The following ABCA13 variants were observed in gnomAD, a reference collection of about 807,000 sequenced individuals.
The protein encoded by ABCA13 is ATP binding cassette subfamily A member 13.
Under a neutral mutation model 478.7 loss-of-function variants are expected in ABCA13, and 476 were observed. The observed-to-expected ratio is 0.99, with a 90% CI of 0.92 to 1.07. The LOEUF (loss-of-function observed/expected upper bound fraction) is 1.07, where lower values mean the gene tolerates loss of function less well. ABCA13 is among the 50% of genes least tolerant of loss of function. The probability of loss-of-function intolerance (pLI) is 0.00; values close to 1 mark genes in which losing one functional copy is unlikely to be tolerated. For synonymous variants in ABCA13, 2,252 were observed against 2,158.9 expected (o/e 1.04, Z -1.20); for missense variants, 6,060 against 5,910.6 (o/e 1.03, Z -0.83).
chr7:48,382,678 T>G (rs1814576827), intron 35 of ABCA13, among the ~76,000 whole-genome samples: 2 of 152,190 alleles, frequency 1.3e-5, no homozygotes, highest in African/African-American at 4.8e-5. Flanking sequence ...TCTCATTCCT[T>G]TTTCTTGGGT....
intron 38 of ABCA13, among the ~76,000 whole-genome samples, chr7:48,396,619 G>A (rs78162744): frequency 0.032 from 4,923 of 152,328 alleles, 173 homozygotes; most frequent in East Asian, 0.17. Flanking sequence ...AGAGAGGGCA[G>A]ATTCTCTAGC....
chr7:48,537,611 T>G (rs1409436818), intron 55 of ABCA13, among the ~76,000 whole-genome samples: 1 of 152,108 alleles, frequency 6.6e-6, no homozygotes, highest in African/African-American at 2.4e-5. Context: ...TACTGGCTAT[T>G]TTAAAGAGAG....
chr7:48,175,857 G>A (rs1220386686), intron 1 of ABCA13, among the ~76,000 whole-genome samples: 1 of 151,694 alleles, frequency 6.6e-6, no homozygotes, highest in Non-Finnish European at 1.5e-5. Context: ...ACCTTCACCA[G>A]CTACTTCTTA....
chr7:48,331,245 G>A (rs1340762933), intron 27 of ABCA13, among the ~76,000 whole-genome samples: 1 of 152,190 alleles, frequency 6.6e-6, no homozygotes, highest in East Asian at 1.9e-4. Flanking sequence ...AAAATTAAAA[G>A]TTAGTAGGTG....
At chr7:48,562,535 T>C (rs545648042) in intron 55 of ABCA13, among the ~76,000 whole-genome samples, 4 of 148,600 alleles carry the variant, frequency 2.7e-5, no homozygotes, top group East Asian at 2.0e-4. Flanking sequence ...CAAACATAGA[T>C]TGGGTACCAT....
chr7:48,480,528 C>T (rs985907848), intron 45 of ABCA13, among the ~76,000 whole-genome samples: 3 of 152,178 alleles, frequency 2.0e-5, no homozygotes, highest in African/African-American at 4.8e-5. Context: ...CTGGGTTTTG[C>T]GTTGTGTTGA....
intron 42 of ABCA13, among the ~76,000 whole-genome samples, chr7:48,433,874 A>G (rs148189396): frequency 6.6e-6 from 1 of 152,120 alleles, no homozygotes; most frequent in East Asian, 1.9e-4. Context: ...AGGCTGAATA[A>G]TATTCCATTA....
At chr7:48,518,712 T>A (rs1162107081) in intron 52 of ABCA13, among the ~76,000 whole-genome samples, 1 of 152,140 alleles carries the variant, frequency 6.6e-6, no homozygotes, top group Non-Finnish European at 1.5e-5. Context: ...AAATTTTCAT[T>A]TGTAGGTTAT....
chr7:48,352,815 C>T (rs1278120000), intron 31 of ABCA13, among the ~76,000 whole-genome samples: 1 of 151,952 alleles, frequency 6.6e-6, no homozygotes, highest in East Asian at 1.9e-4. Context: ...ACTTACCTAA[C>T]CTTGGGAAAA....
chr7:48,243,692 C>G (rs1327338835), intron 10 of ABCA13, among the ~76,000 whole-genome samples: 1 of 152,208 alleles, frequency 6.6e-6, no homozygotes, highest in African/African-American at 2.4e-5. Flanking sequence ...TGTTCAACCC[C>G]AAACTATCAA....
chr7:48,506,346 C>T lies in ABCA13; in HGVS notation c.13302C>T (p.Leu4434=), dbSNP rs1244317400. ...TVDWRQYGIT[L]YSHPYGGALL... ...ATTTGTCTTTCACAGGAATAACACTCTACAGCCACCCATATGGAGGGGCCT... is the reference window on the plus strand; with the variant it reads ...ATTTGTCTTTCACAGGAATAACACTTTACAGCCACCCATATGGAGGGGCCT... Residue 4434 remains leucine (L), a synonymous_variant, in exon 49 of 62, where the codon CTC becomes CTT. Coordinates refer to ENST00000435803, the MANE Select transcript of ABCA13 (RefSeq NM_152701.5). 1.2e-6 allele frequency: 2 copies of T among 1,613,862 alleles called. No individual in the cohort carries two copies. Among genetic ancestry groups the T allele is most frequent in the Admixed American group, 1.7e-5 (1 of 60,024 alleles).
Position 48,276,117 on chromosome 7 carries a change from A to G in ABCA13, c.6451A>G (p.Asn2151Asp), listed in dbSNP as rs749966963. ...MIETLFIPVT[N>D]ESSTEDIALL... ...AGAAACATTATTCATTCCTGTGACC[A>G]ATGAGAGTTCAACTGAAGATATAGC... is the stretch of plus-strand genomic sequence containing the variant. Residue 2151 changes from asparagine (N) to aspartate (D), a missense_variant, in exon 17 of 62, where the codon AAT (asparagine) becomes GAT (aspartate). This residue lies in a region of ABCA13 where 4,423 missense variants were observed against 4,309.1 expected (regional missense o/e 1.03). Transcript: ENST00000435803. 1.3e-6 allele frequency: 2 copies of G among 1,598,162 alleles called. No homozygotes were observed. Among genetic ancestry groups the G allele is most frequent in the African/African-American group, 2.7e-5 (2 of 74,288 alleles).
At chr7:48,645,307 G>T in intron 61 of ABCA13, 110 bp from the exon 62 acceptor site, 1 of 733,020 alleles carries the variant, frequency 1.4e-6, no homozygotes, top group Non-Finnish European at 2.3e-6. Flanking sequence ...AATGATCTGT[G>T]GTTTTTAGGG....
chr7:48,271,944 C>T lies in ABCA13; in HGVS notation c.2278C>T (p.Leu760Phe). 6.2e-7 allele frequency: 1 copy of T among 1,613,614 alleles called. No homozygotes were observed. The highest frequency in any genetic ancestry group is 8.5e-7 in the Non-Finnish European group (1 of 1,179,712). ...CTCCATTGTTCCCAGTTTCCACAGC[C>T]TCCCATCTCTCACAGAGGATATTCT... is the stretch of plus-strand genomic sequence containing the variant. ...DSSIVPSFHS[L>F]PSLTEDILNI... Residue 760 changes from leucine to phenylalanine, a missense_variant, in exon 17 of 62, where the codon CTC (leucine) becomes TTC (phenylalanine). This residue lies in a region of ABCA13 where 4,423 missense variants were observed against 4,309.1 expected (regional missense o/e 1.03). Coordinates refer to ENST00000435803, the MANE Select transcript of ABCA13 (RefSeq NM_152701.5).
At chr7:48,594,977 G>A (rs1010359491) in intron 58 of ABCA13, among the ~76,000 whole-genome samples, 164 bp downstream of exon 58, 4 of 152,210 alleles carry the variant, frequency 2.6e-5, no homozygotes, top group African/African-American at 4.8e-5. Context: ...AATTGAGACT[G>A]AAGCCATGAG....
At chr7:48,401,280 A>T (rs1221040230) in intron 38 of ABCA13, among the ~76,000 whole-genome samples, 1 of 152,252 alleles carries the variant, frequency 6.6e-6, no homozygotes, top group Non-Finnish European at 1.5e-5. Context: ...CTTGGAGCTA[A>T]CATTTAAAAA....
At chr7:48,633,967 G>GATAA (rs1363721367) in intron 59 of ABCA13, among the ~76,000 whole-genome samples, 1 of 148,362 alleles carries the variant, frequency 6.7e-6, no homozygotes, top group Non-Finnish European at 1.5e-5. Context: ...TAGATAGATA[G>GATAA]ATAGATAGAT....
rs189401882 is a variant in ABCA13, at chr7:48,412,602, C to T, written c.12459+19C>T. 312 of 1,572,100 alleles carry T rather than the reference C, an allele frequency of 2.0e-4. No individual in the cohort carries two copies. Among genetic ancestry groups the T allele is most frequent in the Non-Finnish European group, 2.5e-4 (293 of 1,158,586 alleles). On this transcript the variant is annotated intron_variant, in intron 41 of 61. Coordinates refer to ENST00000435803, the MANE Select transcript of ABCA13 (RefSeq NM_152701.5). ...AGAAGAGGTACTGAGAAAACTGAAG[C>T]GTGCTTTAATTATTTATGCCTTTTT...
chr7:48,274,755 A>C lies in ABCA13; in HGVS notation c.5089A>C (p.Ser1697Arg). 1 of 1,614,000 alleles carries C rather than the reference A, an allele frequency of 6.2e-7. No individual in the cohort carries two copies. The highest frequency in any genetic ancestry group is 8.5e-7 in the Non-Finnish European group (1 of 1,179,840). Residue 1697 changes from serine to arginine, a missense_variant, in exon 17 of 62, where the codon AGT (serine) becomes CGT (arginine). This residue lies in a region of ABCA13 where 4,423 missense variants were observed against 4,309.1 expected (regional missense o/e 1.03). Coordinates refer to ENST00000435803, the MANE Select transcript of ABCA13 (RefSeq NM_152701.5). The part of the protein sequence containing the change: ...VNLMDFFKNI[S>R]SVGTGNLVVN... ...CCTAATGGATTTCTTTAAGAATATC[A>C]GTAGTGTGGGAACTGGCAATTTAGT...
Sources: allele counts gnomAD v4.1 joint callset (sites outside exome capture counted in the v4.1 genomes callset), GRCh38; gene constraint gnomAD v4.1.1; regional missense constraint gnomAD v4.1.1; transcripts MANE v1.5; gene names NCBI Gene and HGNC (gene_info 2026-07-23, HGNC 2026-07-21).